The following PAQR5 variants were observed in gnomAD, a reference collection of about 807,000 sequenced individuals.
PAQR5 encodes the protein membrane progestin receptor gamma.
In PAQR5, 20 loss-of-function variants were observed where a neutral mutation model predicts 34.5. The ratio of observed to expected loss-of-function variants is 0.58; its 90% CI spans 0.41 to 0.84. PAQR5 has a LOEUF of 0.84. Among genes scored for constraint, PAQR5 ranks in the 40% least tolerant of loss-of-function variants. The probability of loss-of-function intolerance (pLI) is 0.00; values close to 1 mark genes in which losing one functional copy is unlikely to be tolerated. For synonymous variants in PAQR5, 131 were observed against 155.6 expected, an observed-to-expected ratio of 0.84 and a Z score of 1.18; for missense variants, 378 against 412.7, an observed-to-expected ratio of 0.92 and a Z score of 0.73.
At chr15:69,382,270 C>G (rs1270569334) in intron 4 of PAQR5, among the ~76,000 whole-genome samples, 2 of 152,126 alleles carry the variant, frequency 1.3e-5, no homozygotes, top group African/African-American at 4.8e-5. Context: ...CATTTAGATC[C>G]TGCGAGGAAT....
At chr15:69,322,013 G>A (rs2054107850) in intron 1 of PAQR5, among the ~76,000 whole-genome samples, 1 of 152,160 alleles carries the variant, frequency 6.6e-6, no homozygotes, top group Admixed American at 6.5e-5. Flanking sequence ...GCATTATAGA[G>A]CAGGTGACAT....
intron 1 of PAQR5, among the ~76,000 whole-genome samples, chr15:69,331,962 G>A (rs2054389402): frequency 6.6e-6 from 1 of 152,086 alleles, no homozygotes; most frequent in South Asian, 2.1e-4. Flanking sequence ...TAGCACAAGC[G>A]AGCAGGGTCA....
At chr15:69,332,039 A>G (rs1595863577) in intron 1 of PAQR5, among the ~76,000 whole-genome samples, 1 of 152,290 alleles carries the variant, frequency 6.6e-6, no homozygotes, top group Middle Eastern at 3.4e-3. Context: ...ATGCCAGCAA[A>G]AAGGGTGAGA....
intron 6 of PAQR5, among the ~76,000 whole-genome samples, chr15:69,393,965 G>C (rs2056340561): frequency 6.6e-6 from 1 of 152,164 alleles, no homozygotes; most frequent in African/African-American, 2.4e-5. Flanking sequence ...GAGCAAGGTG[G>C]GGGTGGCCGA....
chr15:69,347,284 T>C (rs192291515), intron 2 of PAQR5, among the ~76,000 whole-genome samples: 1 of 152,342 alleles, frequency 6.6e-6, no homozygotes, highest in Non-Finnish European at 1.5e-5. Context: ...CCTGATAGTT[T>C]GTCTCAAGCT....
intron 6 of PAQR5, chr15:69,391,414 G>T (rs1213286240): frequency 1.5e-5 from 3 of 205,932 alleles, no homozygotes; most frequent in African/African-American, 4.7e-5. Context: ...CGCTAAGGTG[G>T]GTTGGAAGTG....
chr15:69,376,184 T>C (rs566789494), intron 3 of PAQR5, among the ~76,000 whole-genome samples: 2 of 152,214 alleles, frequency 1.3e-5, no homozygotes, highest in African/African-American at 2.4e-5. Flanking sequence ...GGTGGAGTCC[T>C]ACAAATCAAT....
chr15:69,366,388 A>G (rs2140872490), intron 3 of PAQR5, among the ~76,000 whole-genome samples: 1 of 152,282 alleles, frequency 6.6e-6, no homozygotes. Flanking sequence ...TATTTTTTGG[A>G]TATTATAAAT....
At chr15:69,315,462 C>T (rs1195250593) in intron 1 of PAQR5, among the ~76,000 whole-genome samples, 1 of 152,170 alleles carries the variant, frequency 6.6e-6, no homozygotes, top group Non-Finnish European at 1.5e-5. Flanking sequence ...GAATGGGTCT[C>T]GAATGGGGAA....
intron 1 of PAQR5, among the ~76,000 whole-genome samples, chr15:69,302,758 C>T (rs1344485732): frequency 6.6e-6 from 1 of 152,150 alleles, no homozygotes; most frequent in African/African-American, 2.4e-5. Flanking sequence ...GACTGGGGCT[C>T]AAGCCCGTGA....
At chr15:69,309,310 G>C (rs2053780980) in intron 1 of PAQR5, among the ~76,000 whole-genome samples, 1 of 152,220 alleles carries the variant, frequency 6.6e-6, no homozygotes, top group South Asian at 2.1e-4. Flanking sequence ...GCCCATGGAA[G>C]AGTGCTCCAG....
chr15:69,330,718 C>T (rs1489782108), intron 1 of PAQR5, among the ~76,000 whole-genome samples: 4 of 152,212 alleles, frequency 2.6e-5, no homozygotes, highest in African/African-American at 7.2e-5. Context: ...AACTCTGCTC[C>T]AGGAATGCTT....
intron 1 of PAQR5, among the ~76,000 whole-genome samples, chr15:69,325,373 G>A (rs918032252): frequency 4.4e-4 from 67 of 152,098 alleles, no homozygotes; most frequent in African/African-American, 1.6e-3. Flanking sequence ...TCTTGCAGAG[G>A]GAACGAGCAC....
chr15:69,390,803 C>A (rs1350247827), intron 6 of PAQR5, among the ~76,000 whole-genome samples: 1 of 151,840 alleles, frequency 6.6e-6, no homozygotes, highest in East Asian at 1.9e-4. Context: ...TGAGTCAGGC[C>A]CAGCTTACGC....
intron 6 of PAQR5, chr15:69,397,110 C>T (rs1313680217): frequency 2.2e-6 from 1 of 457,568 alleles, no homozygotes. Context: ...CCGATTCCCC[C>T]TACCCGTTCC....
intron 2 of PAQR5, among the ~76,000 whole-genome samples, chr15:69,339,235 T>C (rs1401474425): frequency 2.0e-5 from 3 of 150,290 alleles, no homozygotes; most frequent in Admixed American, 1.3e-4. Flanking sequence ...GGAGACTGAT[T>C]TGAGTAATAA....
chr15:69,370,488 T>C (rs2055530524), intron 3 of PAQR5, among the ~76,000 whole-genome samples: 1 of 152,178 alleles, frequency 6.6e-6, no homozygotes. Context: ...TATTCTACCT[T>C]AACAAATCCC....
intron 5 of PAQR5, among the ~76,000 whole-genome samples, chr15:69,387,091 A>T (rs1013921782): frequency 2.6e-5 from 4 of 152,050 alleles, no homozygotes; most frequent in Non-Finnish European, 4.4e-5. Flanking sequence ...TTGCACAGTT[A>T]TCACAGCCTT....
At chr15:69,343,619 A>G (rs1229503888) in intron 2 of PAQR5, among the ~76,000 whole-genome samples, 1 of 152,228 alleles carries the variant, frequency 6.6e-6, no homozygotes, top group South Asian at 2.1e-4. Flanking sequence ...TCTTTCATCA[A>G]TCAATTTCAA....
Sources: allele counts gnomAD v4.1 joint callset (sites outside exome capture counted in the v4.1 genomes callset), GRCh38; gene constraint gnomAD v4.1.1; transcripts MANE v1.5; gene names NCBI Gene and HGNC (gene_info 2026-07-23, HGNC 2026-07-21).